Variants in CHRNA7 observed in about 807,000 individuals in gnomAD.
The protein encoded by CHRNA7 is cholinergic receptor nicotinic alpha 7 subunit, also known as neuronal acetylcholine receptor subunit alpha-7.
CHRNA7 carries 17 observed loss-of-function variants against 48.0 expected under a neutral mutation model. The ratio of observed to expected loss-of-function variants is 0.35; its 90% CI spans 0.24 to 0.53. The LOEUF is 0.53. Ranked by LOEUF, CHRNA7 falls within the 20% of genes least tolerant of loss-of-function variation. The pLI is 0.92. For synonymous variants in CHRNA7, 75 were observed against 242.3 expected (o/e 0.31, Z 6.41); for missense variants, 155 against 577.7 (o/e 0.27, Z 7.50).
intron 4 of CHRNA7, among the ~76,000 whole-genome samples, chr15:32,125,621 T>G (rs1054781892): frequency 6.6e-6 from 1 of 152,190 alleles, no homozygotes; most frequent in Non-Finnish European, 1.5e-5. Flanking sequence ...TGCTTTGGGC[T>G]CCATGTGCAG....
At chr15:32,098,981 A>G (rs2050524033) in intron 2 of CHRNA7, 1 of 152,146 alleles carries the variant, frequency 6.6e-6, no homozygotes, top group Non-Finnish European at 1.5e-5. Context: ...TGCTGGGGAC[A>G]GGAGGTGTTC....
At chr15:32,084,457 C>T (rs1300490074) in intron 2 of CHRNA7, among the ~76,000 whole-genome samples, 1 of 152,216 alleles carries the variant, frequency 6.6e-6, no homozygotes, top group East Asian at 1.9e-4. Context: ...TGAGCACATA[C>T]AGTCTCAGAA....
chr15:32,033,128 AGCCGTGGTATTG>A (rs1443426970), intron 2 of CHRNA7, among the ~76,000 whole-genome samples: 1 of 152,220 alleles, frequency 6.6e-6, no homozygotes, highest in African/African-American at 2.4e-5. Flanking sequence ...CTCTCACCTT[AGCCGTGGTATTG>A]GCTGTGAACA....
intron 2 of CHRNA7, among the ~76,000 whole-genome samples, chr15:32,077,560 A>G (rs1027073480): frequency 6.6e-6 from 1 of 152,204 alleles, no homozygotes; most frequent in African/African-American, 2.4e-5. Flanking sequence ...GATGTGGAAC[A>G]TATTTTCATA....
chr15:32,138,697 T>C (rs1039155597), intron 4 of CHRNA7, among the ~76,000 whole-genome samples: 1 of 150,834 alleles, frequency 6.6e-6, no homozygotes, highest in South Asian at 2.1e-4. Context: ...CATCCCGCCC[T>C]CTCTCTGCAA....
At chr15:32,063,776 G>A (rs1457086345) in intron 2 of CHRNA7, among the ~76,000 whole-genome samples, 1 of 152,126 alleles carries the variant, frequency 6.6e-6, no homozygotes, top group Non-Finnish European at 1.5e-5. Flanking sequence ...GCATAACAAG[G>A]AATTTCTGAT....
At position 32,030,555 on chromosome 15, in the gene CHRNA7, AC is replaced by A; in HGVS notation, c.-39del. 6.9e-7 allele frequency: 1 copy of A among 1,453,418 alleles called. No individual in the cohort carries two copies. Among genetic ancestry groups the A allele is most frequent in the Non-Finnish European group, 9.0e-7 (1 of 1,108,676 alleles). The allele number at this position is 1,453,418 out of a possible 1,614,324, so 90.0% of individuals were successfully genotyped here. On this transcript the variant is annotated 5_prime_UTR_variant, in exon 1 of 10. Transcript: ENST00000306901. Reference sequence around the variant, plus strand: ...GGCGCAGGCCCGGGCGACAGCCGAGACGTGGAGCGCGCCGGCTCGCTGCAGC... The same window carrying A: ...GGCGCAGGCCCGGGCGACAGCCGAGAGTGGAGCGCGCCGGCTCGCTGCAGC...
chr15:32,084,738 C>T (rs1203797116), intron 2 of CHRNA7, among the ~76,000 whole-genome samples: 1 of 152,192 alleles, frequency 6.6e-6, no homozygotes, highest in Non-Finnish European at 1.5e-5. Context: ...TCGCTGACTG[C>T]TCATGCTAGT....
intron 2 of CHRNA7, among the ~76,000 whole-genome samples, chr15:32,031,798 A>G (rs1231213675): frequency 1.3e-5 from 2 of 152,236 alleles, no homozygotes; most frequent in Non-Finnish European, 2.9e-5. Context: ...TATATTCTCC[A>G]TACAATACAA....
chr15:32,152,095 C>A (rs78174284), intron 4 of CHRNA7, among the ~76,000 whole-genome samples: 1 of 152,158 alleles, frequency 6.6e-6, no homozygotes, highest in African/African-American at 2.4e-5. Flanking sequence ...TGGTGAGACA[C>A]TTAGACACAG....
In CHRNA7 at chr15:32,142,979, T is replaced by C. The variant is rs560500539; in HGVS notation, c.351-10928T>C. On this transcript the variant is annotated intron_variant, in intron 4 of 9. Coordinates refer to ENST00000306901, the MANE Select transcript of CHRNA7 (RefSeq NM_000746.6). ...CAGCTAGCTTTTGAATTTATTTGCTTTTGCTTCTCTAGTTCTTTTCATTGC... is the reference window on the plus strand; with the variant it reads ...CAGCTAGCTTTTGAATTTATTTGCTCTTGCTTCTCTAGTTCTTTTCATTGC... Among the ~76,000 whole-genome samples, 3 of 152,234 alleles carry C rather than the reference T, an allele frequency of 2.0e-5. No individual in the cohort carries two copies. The East Asian group carries it at 5.8e-4, about 29-fold the overall frequency.
chr15:32,137,170 G>A (rs2051284345), intron 4 of CHRNA7, among the ~76,000 whole-genome samples: 1 of 152,022 alleles, frequency 6.6e-6, no homozygotes, highest in Admixed American at 6.5e-5. Context: ...TAAATGGGAT[G>A]GCCAGCTGGT....
At chr15:32,064,909 G>C (rs777734580) in intron 2 of CHRNA7, among the ~76,000 whole-genome samples, 22 of 152,084 alleles carry the variant, frequency 1.4e-4, no homozygotes, top group Non-Finnish European at 2.9e-4. Flanking sequence ...GTGCATTGTG[G>C]TTCTTAAAAT....
chr15:32,053,961 C>T (rs1028067636), intron 2 of CHRNA7, among the ~76,000 whole-genome samples: 1 of 152,090 alleles, frequency 6.6e-6, no homozygotes, highest in Non-Finnish European at 1.5e-5. Flanking sequence ...GTGAGAGATT[C>T]TCAGCATGGG....
At chr15:32,077,803 A>G (rs947230810) in intron 2 of CHRNA7, among the ~76,000 whole-genome samples, 7 of 152,118 alleles carry the variant, frequency 4.6e-5, no homozygotes, top group African/African-American at 1.7e-4. Flanking sequence ...TGTAGAGATC[A>G]CATGATAAGA....
At chr15:32,112,835 A>G (rs1413751121) in intron 4 of CHRNA7, among the ~76,000 whole-genome samples, 1 of 149,566 alleles carries the variant, frequency 6.7e-6, no homozygotes, top group Non-Finnish European at 1.5e-5. Flanking sequence ...TGGACTTTTC[A>G]TTCTGCCTCT....
chr15:32,073,625 G>A (rs2050091604), intron 2 of CHRNA7, among the ~76,000 whole-genome samples: 1 of 152,128 alleles, frequency 6.6e-6, no homozygotes, highest in Non-Finnish European at 1.5e-5. Context: ...TTGGAGGCAG[G>A]GGCTGGTGGA....
intron 4 of CHRNA7, among the ~76,000 whole-genome samples, chr15:32,121,347 C>T (rs544596978): frequency 2.6e-5 from 4 of 152,300 alleles, no homozygotes; most frequent in East Asian, 1.9e-4. Context: ...ATCAGTTTAC[C>T]GTGGGTGGTC....
chr15:32,060,782 G>T (rs930823792), intron 2 of CHRNA7, among the ~76,000 whole-genome samples: 1 of 152,216 alleles, frequency 6.6e-6, no homozygotes, highest in African/African-American at 2.4e-5. Context: ...TATTAACAGT[G>T]GTTACAGAAC....
Sources: allele counts gnomAD v4.1 joint callset (sites outside exome capture counted in the v4.1 genomes callset), GRCh38; gene constraint gnomAD v4.1.1; transcripts MANE v1.5; gene names NCBI Gene and HGNC (gene_info 2026-07-23, HGNC 2026-07-21).